The following PTPN14 variants were observed in gnomAD, a reference collection of about 807,000 sequenced individuals.
PTPN14 encodes tyrosine-protein phosphatase non-receptor type 14.
PTPN14 carries 53 observed loss-of-function variants against 126.8 expected under a neutral mutation model. The observed-to-expected ratio is 0.42, with a 90% CI of 0.34 to 0.53. The LOEUF (loss-of-function observed/expected upper bound fraction) is 0.53, where lower values mean the gene tolerates loss of function less well. PTPN14 is among the 20% of genes least tolerant of loss of function. The pLI is 0.08. For synonymous variants in PTPN14, 630 were observed against 599.3 expected (o/e 1.05, Z -0.75); for missense variants, 1,257 against 1,552.9 (o/e 0.81, Z 3.20).
intron 11 of PTPN14, among the ~76,000 whole-genome samples, chr1:214,388,207 C>T (rs1658666791): frequency 6.6e-6 from 1 of 152,124 alleles, no homozygotes; most frequent in Admixed American, 6.5e-5. Context: ...GCCATTTAAC[C>T]TCAGTCGGTC....
At chr1:214,448,390 C>T (rs947072818) in intron 3 of PTPN14, among the ~76,000 whole-genome samples, 4 of 137,816 alleles carry the variant, frequency 2.9e-5, no homozygotes, top group Non-Finnish European at 4.6e-5. Flanking sequence ...CCAACCAAGC[C>T]GGGCTAATTT....
intron 3 of PTPN14, among the ~76,000 whole-genome samples, chr1:214,442,110 AT>A (rs1373728648): frequency 6.6e-6 from 1 of 152,250 alleles, no homozygotes; most frequent in Non-Finnish European, 1.5e-5. Context: ...AATAGACCAA[AT>A]ACTAACACAT....
chr1:214,471,100 A>G (rs1235404590), intron 1 of PTPN14, among the ~76,000 whole-genome samples: 2 of 149,720 alleles, frequency 1.3e-5, no homozygotes, highest in Non-Finnish European at 3.0e-5. Flanking sequence ...TTAAAGACTT[A>G]GACTTTCACC....
chr1:214,531,807 G>T (rs968639529), intron 1 of PTPN14: 2 of 152,168 alleles, frequency 1.3e-5, no homozygotes, highest in South Asian at 2.1e-4. Context: ...TACAGTTTGT[G>T]GGGGGAAAGC....
intron 2 of PTPN14, among the ~76,000 whole-genome samples, chr1:214,454,037 A>G (rs1463245315): frequency 3.3e-5 from 5 of 152,156 alleles, no homozygotes; most frequent in Non-Finnish European, 7.3e-5. Context: ...ATTATACTGA[A>G]TTCCTGTATG....
intron 1 of PTPN14, among the ~76,000 whole-genome samples, chr1:214,549,196 A>T (rs752652969): frequency 6.6e-6 from 1 of 152,190 alleles, no homozygotes; most frequent in Admixed American, 6.5e-5. Context: ...CTCAGCCACT[A>T]TGAACAATAC....
intron 3 of PTPN14, among the ~76,000 whole-genome samples, chr1:214,416,554 C>T (rs1409393375): frequency 6.6e-6 from 1 of 152,176 alleles, no homozygotes; most frequent in Non-Finnish European, 1.5e-5. Flanking sequence ...AATCCACTAG[C>T]AAGGAACACC....
intron 2 of PTPN14, among the ~76,000 whole-genome samples, chr1:214,458,924 T>C (rs1660445568): frequency 6.6e-6 from 1 of 152,042 alleles, no homozygotes; most frequent in East Asian, 1.9e-4. Flanking sequence ...TGCAGACATA[T>C]TATAATGACA....
intron 3 of PTPN14, among the ~76,000 whole-genome samples, chr1:214,432,411 C>T (rs899831209): frequency 1.3e-5 from 2 of 152,146 alleles, no homozygotes; most frequent in Non-Finnish European, 2.9e-5. Context: ...GGCAGTAATA[C>T]AATTTTTGGA....
At chr1:214,523,174 C>G (rs79393269) in intron 1 of PTPN14, among the ~76,000 whole-genome samples, 1 of 151,880 alleles carries the variant, frequency 6.6e-6, no homozygotes, top group Non-Finnish European at 1.5e-5. Context: ...AGGCAGTGCC[C>G]TTGAACCTGG....
chr1:214,491,465 T>C (rs1044569372), intron 1 of PTPN14, among the ~76,000 whole-genome samples: 2 of 152,182 alleles, frequency 1.3e-5, no homozygotes, highest in Admixed American at 6.5e-5. Flanking sequence ...GGTTTTGGAA[T>C]AAAACCGTTG....
intron 18 of PTPN14, among the ~76,000 whole-genome samples, chr1:214,360,415 G>A (rs568021333): frequency 3.3e-5 from 5 of 152,128 alleles, no homozygotes; most frequent in Non-Finnish European, 5.9e-5. Context: ...GTGAATCTTC[G>A]AACTATGAAT....
Position 214,377,985 on chromosome 1 carries a change from C to T in PTPN14, c.2662G>A (p.Ala888Thr), listed in dbSNP as rs779681455. 1.2e-6 allele frequency: 2 copies of T among 1,613,414 alleles called. No individual in the cohort carries two copies. Among genetic ancestry groups the T allele is most frequent in the East Asian group, 4.5e-5 (2 of 44,822 alleles). ...VSGREENRVD[A>T]TRVPMDERFR... Reference sequence around the variant, plus strand: ...CTCTCGTCCATGGGAACCCGGGTGGCATCAACTCGATTCTCTTCCCGCCCT... The same window carrying T: ...CTCTCGTCCATGGGAACCCGGGTGGTATCAACTCGATTCTCTTCCCGCCCT... The change falls in exon 14 of 19, where the codon GCC becomes ACC. Residue 888 changes from alanine to threonine, a missense_variant. This residue lies in a region of PTPN14 where 1,021 missense variants were observed against 1,183.3 expected (regional missense o/e 0.86). Transcript: ENST00000366956.
Position 214,398,790 on chromosome 1 carries a change from G to A in PTPN14, c.670-789C>T, listed in dbSNP as rs569909744. Among the ~76,000 whole-genome samples the A allele has an allele frequency of 8.1e-4, 119 of 146,832 alleles. 1 individual carries two copies. Among genetic ancestry groups the A allele is most frequent in the African/African-American group, 2.8e-3 (110 of 39,650 alleles). ...AGTAAATTTTTTTTTTTTTTGAGAC[G>A]TAGTCTCACTCTGTTGCCAGGCTGG... On this transcript the variant is annotated intron_variant, in intron 7 of 18. Coordinates refer to ENST00000366956, the MANE Select transcript of PTPN14 (RefSeq NM_005401.5).
chr1:214,437,509 G>T (rs4584365), intron 3 of PTPN14, among the ~76,000 whole-genome samples: 7,340 of 152,088 alleles, frequency 0.048, 229 homozygotes, highest in Non-Finnish European at 0.068. Flanking sequence ...AACCTATTTA[G>T]GAGATGTATT....
In PTPN14 at chr1:214,355,949, A is replaced by AC; in HGVS notation, c.*1972dup. On this transcript the variant is annotated 3_prime_UTR_variant, in exon 19 of 19. Coordinates refer to ENST00000366956, the MANE Select transcript of PTPN14 (RefSeq NM_005401.5). Reference sequence around the variant, plus strand: ...TCCTAACATCTAGTTTTTCTTGACAACCTTTTTTCCTTTTTTTTTTTTTTT... The same window carrying AC: ...TCCTAACATCTAGTTTTTCTTGACAACCCTTTTTTCCTTTTTTTTTTTTTTT... The AC allele has an allele frequency of 7.2e-6, 1 of 139,294 alleles. No homozygotes were observed. Among genetic ancestry groups the AC allele is most frequent in the African/African-American group, 2.7e-5 (1 of 36,534 alleles). 8.6% of individuals were successfully genotyped at this position (139,294 alleles called of 1,614,324 possible).
intron 1 of PTPN14, among the ~76,000 whole-genome samples, chr1:214,515,413 AT>A (rs978204160): frequency 2.4e-4 from 37 of 151,832 alleles, no homozygotes; most frequent in African/African-American, 8.7e-4. Flanking sequence ...GAGTCTTCCT[AT>A]TTTTTTCCAA....
intron 1 of PTPN14, among the ~76,000 whole-genome samples, chr1:214,541,684 A>T (rs1417200850): frequency 1.3e-5 from 2 of 152,230 alleles, no homozygotes; most frequent in Non-Finnish European, 2.9e-5. Context: ...AAAGCCCATC[A>T]GAAAGCATTA....
chr1:214,463,948 G>C (rs1452062372), intron 2 of PTPN14, among the ~76,000 whole-genome samples: 1 of 152,150 alleles, frequency 6.6e-6, no homozygotes, highest in Non-Finnish European at 1.5e-5. Flanking sequence ...GAAAAAAGAA[G>C]GGCTTGGCTG....
Sources: allele counts gnomAD v4.1 joint callset (sites outside exome capture counted in the v4.1 genomes callset), GRCh38; gene constraint gnomAD v4.1.1; regional missense constraint gnomAD v4.1.1; transcripts MANE v1.5; gene names NCBI Gene and HGNC (gene_info 2026-07-23, HGNC 2026-07-21).